Variants in BAHCC1 observed in about 807,000 individuals in gnomAD.
The protein encoded by BAHCC1 is BAH and coiled-coil domain-containing protein 1.
BAHCC1 carries 43 observed loss-of-function variants against 88.2 expected under a neutral mutation model. That is an observed-to-expected ratio of 0.49 (90% CI 0.38 to 0.63). The LOEUF is 0.63. BAHCC1 is among the 20% of genes least tolerant of loss of function. The probability of loss-of-function intolerance (pLI) is 0.00; values close to 1 mark genes in which losing one functional copy is unlikely to be tolerated. For missense variants in BAHCC1, 3,023 were observed against 1,654.8 expected (o/e 1.83, Z -14.34); for synonymous variants, 1,510 against 745.5 (o/e 2.03, Z -16.71).
In BAHCC1 at chr17:81,403,156, G is replaced by A. The variant is rs2063837524; in HGVS notation, c.178+3239G>A. ...GCTGGGAGTGTGTGTGTGATCCGAG[G>A]CAGCCCCGGCCTGGGGAGAGGCCCA... is the stretch of plus-strand genomic sequence containing the variant. On this transcript the variant is annotated intron_variant, in intron 2 of 27. Transcript: ENST00000675386. Among the ~76,000 whole-genome samples the A allele has an allele frequency of 3.9e-5, 6 of 152,302 alleles. No homozygotes were observed. In the South Asian group the frequency reaches 1.2e-3, roughly 32 times the overall value.
intron 5 of BAHCC1, 98 bp downstream of exon 5, chr17:81,443,662 C>T (rs2064467319): frequency 3.2e-6 from 2 of 632,156 alleles, no homozygotes; most frequent in Non-Finnish European, 5.7e-6. Context: ...CACACCTGCC[C>T]TTGGCAGACC....
chr17:81,420,743 G>A (rs2064106890), intron 2 of BAHCC1, among the ~76,000 whole-genome samples: 1 of 152,250 alleles, frequency 6.6e-6, no homozygotes, highest in Non-Finnish European at 1.5e-5. Flanking sequence ...GCCAACTGGA[G>A]GCCAGTGTGC....
intron 25 of BAHCC1, 44 bp downstream of exon 25, chr17:81,460,750 C>G: frequency 1.3e-6 from 1 of 776,604 alleles, no homozygotes; most frequent in Non-Finnish European, 2.4e-6. Flanking sequence ...GGAAGGCACC[C>G]TCTGGGGGCT....
chr17:81,420,470 G>T (rs1555649466), intron 2 of BAHCC1, among the ~76,000 whole-genome samples: 1 of 152,254 alleles, frequency 6.6e-6, no homozygotes, highest in Non-Finnish European at 1.5e-5. Context: ...CCTGCCTCCT[G>T]GTCTAGTTGG....
chr17:81,450,549 C>T (rs1217485316), intron 11 of BAHCC1, among the ~76,000 whole-genome samples: 1 of 152,208 alleles, frequency 6.6e-6, no homozygotes, highest in African/African-American at 2.4e-5. Context: ...CCCTGGCAGC[C>T]CCTTCCTCCT....
chr17:81,438,913 G>A (rs894408957), intron 4 of BAHCC1, among the ~76,000 whole-genome samples: 3 of 152,048 alleles, frequency 2.0e-5, no homozygotes, highest in African/African-American at 7.2e-5. Context: ...GCACTTCCTG[G>A]CTTACACACC....
At position 81,399,950 on chromosome 17, in the gene BAHCC1, G is replaced by T; in HGVS notation, c.178+33G>T. The T allele has an allele frequency of 7.7e-7, 1 of 1,303,448 alleles. No homozygotes were observed. The allele number at this position is 1,303,448 out of a possible 1,614,324, so 80.7% of individuals were successfully genotyped here. On this transcript the variant is annotated intron_variant, in intron 2 of 27. Coordinates refer to ENST00000675386, the MANE Select transcript of BAHCC1 (RefSeq NM_001377448.1). This position sits in a 1 kb window ranked among gnomAD's most constrained non-coding sequence, Gnocchi z 4.5. ...CTCGGCCGGGGCGGGCGCGGGACGG[G>T]AGCGTTCGAGAGCGGAACAGGGCGC...
intron 11 of BAHCC1, among the ~76,000 whole-genome samples, chr17:81,449,207 A>G (rs58210364): frequency 0.18 from 26,619 of 152,068 alleles, 2,528 homozygotes; most frequent in Middle Eastern, 0.26. Context: ...AGGTGTCCCA[A>G]TCCCCAGGGT....
At chr17:81,448,388 C>T (rs138826810) in intron 11 of BAHCC1, among the ~76,000 whole-genome samples, 2,713 of 152,100 alleles carry the variant, frequency 0.018, 100 homozygotes, top group African/African-American at 0.062. Context: ...CAAGGACAGC[C>T]GGACAACAGT....
rs528564452 is a variant in BAHCC1, at chr17:81,441,434, G to A, written c.482-397G>A. 1.1e-4 allele frequency among the ~76,000 whole-genome samples: 17 copies of A among 152,280 alleles called. No individual in the cohort carries two copies. The South Asian group carries it at 2.1e-3, about 19-fold the overall frequency. ...TCCCAGTACTTTGGGAGGCCAAGGCGGGTGGATCACGAGGTCAGGAGATCG... is the reference window on the plus strand; with the variant it reads ...TCCCAGTACTTTGGGAGGCCAAGGCAGGTGGATCACGAGGTCAGGAGATCG... On this transcript the variant is annotated intron_variant, in intron 4 of 27. Transcript: ENST00000675386.
intron 3 of BAHCC1, among the ~76,000 whole-genome samples, chr17:81,428,080 G>A (rs2064221163): frequency 6.6e-6 from 1 of 152,184 alleles, no homozygotes; most frequent in African/African-American, 2.4e-5. Flanking sequence ...CTGGGTGCAG[G>A]GGAGGCCGCT....
In BAHCC1 at chr17:81,447,629, C is replaced by A; in HGVS notation, c.3757C>A (p.Pro1253Thr). 1.3e-6 allele frequency: 1 copy of A among 742,768 alleles called. No homozygotes were observed. The allele number at this position is 742,768 out of a possible 1,614,324, so 46.0% of individuals were successfully genotyped here. A position where few individuals can be genotyped will look rare whatever the true frequency, so the allele number is the denominator to read the frequency against. The part of the protein sequence containing the change: ...DCGGAPDNSH[P>T]PRALPGLDAL... ...TGGCGGAGCTCCCGACAACAGCCAC[C>A]CACCCAGGGCGCTACCAGGCCTGGA... is the stretch of plus-strand genomic sequence containing the variant. Residue 1253 changes from proline (P) to threonine (T), a missense_variant, in exon 11 of 28, where the codon CCA becomes ACA. Transcript: ENST00000675386.
At chr17:81,407,893 C>T (rs912212912) in intron 2 of BAHCC1, among the ~76,000 whole-genome samples, 1 of 152,228 alleles carries the variant, frequency 6.6e-6, no homozygotes, top group Non-Finnish European at 1.5e-5. Context: ...GAGTCCCACT[C>T]CAGTGGCCCC....
At chr17:81,454,221 C>T (rs1555656625) in intron 14 of BAHCC1, among the ~76,000 whole-genome samples, 10 of 152,210 alleles carry the variant, frequency 6.6e-5, no homozygotes, top group Non-Finnish European at 1.5e-4. Flanking sequence ...GGGTCACCCA[C>T]ACAAGAGGGG....
intron 10 of BAHCC1, chr17:81,446,665 C>T: frequency 2.5e-6 from 1 of 392,252 alleles, no homozygotes; most frequent in Non-Finnish European, 5.2e-6. Context: ...CCTCCCACCT[C>T]AGCCTCCTGT....
Position 81,443,078 on chromosome 17 carries a change from A to G in BAHCC1, c.1729A>G (p.Ser577Gly). 1.3e-6 allele frequency: 1 copy of G among 778,278 alleles called. No homozygotes were observed. Among genetic ancestry groups the G allele is most frequent in the Non-Finnish European group, 2.4e-6 (1 of 417,652 alleles). The allele number at this position is 778,278 out of a possible 1,614,324, so 48.2% of individuals were successfully genotyped here. A position where few individuals can be genotyped will look rare whatever the true frequency, so the allele number is the denominator to read the frequency against. ...KSLELASLGY[S>G]GPHLPPWGVQ... is the part of the protein sequence containing the mutation. Reference sequence around the variant, plus strand: ...CCTGGAGCTGGCATCCCTGGGCTACAGTGGGCCCCACCTGCCCCCATGGGG... The same window carrying G: ...CCTGGAGCTGGCATCCCTGGGCTACGGTGGGCCCCACCTGCCCCCATGGGG... Residue 577 changes from serine to glycine, a missense_variant, in exon 5 of 28, where the codon AGT (serine) becomes GGT (glycine). By Grantham distance (56) the Ser-to-Gly change is moderately conservative. Transcript: ENST00000675386.
At chr17:81,403,282 C>T (rs2063839057) in intron 2 of BAHCC1, among the ~76,000 whole-genome samples, 1 of 152,320 alleles carries the variant, frequency 6.6e-6, no homozygotes. Context: ...GGCACTATTT[C>T]TCATCTTGGT....
chr17:81,429,786 G>T (rs1240365473), intron 3 of BAHCC1, among the ~76,000 whole-genome samples: 5 of 152,196 alleles, frequency 3.3e-5, no homozygotes, highest in African/African-American at 7.2e-5. Context: ...GTTGAGGGTA[G>T]GTAGGCCAGG....
intron 3 of BAHCC1, among the ~76,000 whole-genome samples, chr17:81,428,761 G>A (rs1447465266): frequency 1.3e-5 from 2 of 152,232 alleles, no homozygotes; most frequent in Non-Finnish European, 2.9e-5. Context: ...TGTGCCAACG[G>A]CTGCCTGGGC....
Sources: gnomAD v4.1 joint callset for allele counts (sites outside exome capture counted in the v4.1 genomes callset) on GRCh38, gnomAD v4.1.1 for gene constraint, Gnocchi (gnomAD v3.1) non-coding constraint, MANE v1.5 for transcripts, NCBI Gene and HGNC (gene_info 2026-07-23, HGNC 2026-07-21) for gene names.